Variants in KCNQ1 observed in about 807,000 individuals in gnomAD.
KCNQ1 encodes the protein potassium voltage-gated channel subfamily Q member 1.
A neutral mutation model predicts 72.4 loss-of-function variants in KCNQ1; 49 were observed. The ratio of observed to expected loss-of-function variants is 0.68; its 90% confidence interval spans 0.54 to 0.86. The LOEUF (loss-of-function observed/expected upper bound fraction) is 0.86. Ranked by LOEUF, KCNQ1 falls within the 40% of genes least tolerant of loss-of-function variation. KCNQ1 has a pLI of 0.00. For synonymous variants in KCNQ1, 450 were observed against 412.6 expected, an observed-to-expected ratio of 1.09 and a Z score of -1.10; for missense variants, 790 against 945.1, an observed-to-expected ratio of 0.84 and a Z score of 2.15.
In KCNQ1 at chr11:2,848,698, A is replaced by G. The variant is rs371578548; in HGVS notation, c.*695A>G. On this transcript the variant is annotated 3_prime_UTR_variant, in exon 16 of 16. Transcript: ENST00000155840. ...GACTGCCAGCTCTTCCTAGCTGGAG[A>G]GGAGCCCTGCCTCTCCGCCCCTGAG... 34 of 450,640 alleles carry G rather than the reference A, an allele frequency of 7.5e-5. No homozygotes were observed. The highest frequency in any genetic ancestry group is 4.0e-4 in the Admixed American group (17 of 42,478). 27.9% of individuals were successfully genotyped at this position (450,640 alleles called of 1,614,324 possible). A position where few individuals can be genotyped will look rare whatever the true frequency, so the allele number is the denominator to read the frequency against.
intron 1 of KCNQ1, among the ~76,000 whole-genome samples, chr11:2,460,645 C>T (rs943408573): frequency 6.6e-6 from 1 of 152,226 alleles, no homozygotes; most frequent in African/African-American, 2.4e-5. Flanking sequence ...TGCATGGGCC[C>T]CTTTGCCAAA....
chr11:2,656,583 T>A (rs1479166508), intron 10 of KCNQ1: 1 of 398,684 alleles, frequency 2.5e-6, no homozygotes, highest in South Asian at 1.3e-4. Context: ...ATTCCTCTTT[T>A]GTGATGTGCT....
chr11:2,824,900 A>C lies in KCNQ1; in HGVS notation c.1795-22867A>C, dbSNP rs1298043084. ...AGGGACACGAGTTCCCCTGCCGGGC[A>C]CAGAGCAGGTTCCCAGTGAGTTCTG... On this transcript the variant is annotated intron_variant, in intron 15 of 15. Transcript: ENST00000155840. The surrounding 1 kb of genome is among the most constrained non-coding windows in gnomAD (Gnocchi z 5.9). 1.3e-5 allele frequency among the ~76,000 whole-genome samples: 2 copies of C among 152,204 alleles called. No individual in the cohort carries two copies. Among genetic ancestry groups the C allele is most frequent in the Non-Finnish European group, 2.9e-5 (2 of 68,030 alleles).
At position 2,654,871 on chromosome 11, in the gene KCNQ1, T is replaced by C. The variant is rs1441971549; in HGVS notation, c.1394-7090T>C. 15 of 398,404 alleles carry C rather than the reference T, an allele frequency of 3.8e-5. No homozygotes were observed. The highest frequency in any genetic ancestry group is 1.3e-4 in the Admixed American group (3 of 22,708). The allele number at this position is 398,404 out of a possible 1,614,324, so 24.7% of individuals were successfully genotyped here. A position where few individuals can be genotyped will look rare whatever the true frequency, so the allele number is the denominator to read the frequency against. ...CAGCTCCAGGCCAGGTGGAGGGACA[T>C]ATTCTGGCAACTCTAGGATAAGATG... On this transcript the variant is annotated intron_variant, in intron 10 of 15. Transcript: ENST00000155840. This position sits in a 1 kb window ranked among gnomAD's most constrained non-coding sequence, Gnocchi z 6.4.
rs921203850 is a variant in KCNQ1, at chr11:2,479,532, A to G, written c.386+34048A>G. Among the ~76,000 whole-genome samples the G allele has an allele frequency of 5.3e-5, 8 of 152,316 alleles. No individual in the cohort carries two copies. Among genetic ancestry groups the G allele is most frequent in the Admixed American group, 3.3e-4 (5 of 15,312 alleles). ...CCCAAGCTGTACCTTGACACCTTTT[A>G]GCTATGGCTAGAGCGGCTGGGACAC... On this transcript the variant is annotated intron_variant, in intron 1 of 15. Coordinates refer to ENST00000155840, the MANE Select transcript of KCNQ1 (RefSeq NM_000218.3). This position sits in a 1 kb window ranked among gnomAD's most constrained non-coding sequence, Gnocchi z 4.6.
chr11:2,769,928 C>G lies in KCNQ1; in HGVS notation c.1590+1009C>G, dbSNP rs1319774390. ...ACCAGGACCCACAGTCGGTGGCATC[C>G]CAGCCCACCAAGACTTATCCTGGAG... is the stretch of plus-strand genomic sequence containing the variant. On this transcript the variant is annotated intron_variant, in intron 12 of 15. Coordinates refer to ENST00000155840, the MANE Select transcript of KCNQ1 (RefSeq NM_000218.3). This position sits in a 1 kb window ranked among gnomAD's most constrained non-coding sequence, Gnocchi z 4.6. Among the ~76,000 whole-genome samples, 2 of 152,064 alleles carry G rather than the reference C, an allele frequency of 1.3e-5. No homozygotes were observed. Among genetic ancestry groups the G allele is most frequent in the Non-Finnish European group, 2.9e-5 (2 of 67,988 alleles).
intron 11 of KCNQ1, chr11:2,680,252 T>G (rs1461869687): frequency 2.5e-6 from 1 of 397,036 alleles, no homozygotes; most frequent in African/African-American, 2.1e-5. Flanking sequence ...TGTATATTCA[T>G]ATCCCATTGG....
Position 2,668,252 on chromosome 11 carries a change from G to A in KCNQ1, c.1514+6171G>A. ...GGCCAGCAGGCAGTTTCTGGTGTAG[G>A]TTGCTGTTTAAGAATATTCTGTACA... On this transcript the variant is annotated intron_variant, in intron 11 of 15. Coordinates refer to ENST00000155840, the MANE Select transcript of KCNQ1 (RefSeq NM_000218.3). This position sits in a 1 kb window ranked among gnomAD's most constrained non-coding sequence, Gnocchi z 4.3. 2.5e-6 allele frequency: 1 copy of A among 398,602 alleles called. No homozygotes were observed. The highest frequency in any genetic ancestry group is 4.4e-5 in the Admixed American group (1 of 22,738). 24.7% of individuals were successfully genotyped at this position (398,602 alleles called of 1,614,324 possible).
At chr11:2,707,472 C>T (rs767605037) in intron 11 of KCNQ1, among the ~76,000 whole-genome samples, 3 of 152,136 alleles carry the variant, frequency 2.0e-5, no homozygotes, top group African/African-American at 7.2e-5. Context: ...CACCCCCAGG[C>T]AGCCCCTGCC....
intron 1 of KCNQ1, among the ~76,000 whole-genome samples, chr11:2,489,968 G>C (rs1324142629): frequency 6.6e-6 from 1 of 152,104 alleles, no homozygotes; most frequent in Non-Finnish European, 1.5e-5. Context: ...ATGGGCTCTT[G>C]GGGTCCCTGA....
intron 10 of KCNQ1, chr11:2,650,325 T>TC (rs996080655): frequency 2.0e-5 from 8 of 398,456 alleles, no homozygotes; most frequent in South Asian, 2.5e-4. Context: ...CTTGTTTTTT[T>TC]CCCCCCAAGT....
Position 2,569,120 on chromosome 11 carries a change from G to A in KCNQ1, c.478-1508G>A, listed in dbSNP as rs555148075. On this transcript the variant is annotated intron_variant, in intron 2 of 15. Transcript: ENST00000155840. ...AGGCTGGTCTTGAACTCCTGAACTC[G>A]TGATCTGCCTGCCTCGGCCTCCCAG... is the stretch of plus-strand genomic sequence containing the variant. 7.2e-5 allele frequency among the ~76,000 whole-genome samples: 11 copies of A among 152,232 alleles called. No homozygotes were observed. The South Asian group carries it at 1.0e-3, about 14-fold the overall frequency.
chr11:2,778,136 C>G, intron 15 of KCNQ1, 99 bp downstream of exon 15: 6 of 1,179,930 alleles, frequency 5.1e-6, no homozygotes, highest in Non-Finnish European at 7.4e-6. Context: ...TCCTGCAGGC[C>G]TCCCCACCTT....
rs1469994346 is a variant in KCNQ1 at position 2,508,263 on chromosome 11, G to A, written c.387-19665G>A. 1.3e-5 allele frequency among the ~76,000 whole-genome samples: 2 copies of A among 152,192 alleles called. No homozygotes were observed. Among genetic ancestry groups the A allele is most frequent in the African/African-American group, 4.8e-5 (2 of 41,456 alleles). The stretch of plus-strand genomic sequence containing the variant: ...TCACCAAGGGTCTTTGGGCTCCTGT[G>A]GGGACCATACTGGCTTGTCTGACTT... On this transcript the variant is annotated intron_variant, in intron 1 of 15. Coordinates refer to ENST00000155840, the MANE Select transcript of KCNQ1 (RefSeq NM_000218.3). The surrounding 1 kb of genome is among the most constrained non-coding windows in gnomAD (Gnocchi z 6.2).
intron 1 of KCNQ1, among the ~76,000 whole-genome samples, chr11:2,487,482 A>G (rs1846760066): frequency 6.6e-6 from 1 of 152,104 alleles, no homozygotes; most frequent in Non-Finnish European, 1.5e-5. Flanking sequence ...ATATCTCAAC[A>G]TTGTCTTCTA....
intron 10 of KCNQ1, chr11:2,648,051 CA>C (rs34011245): frequency 0.24 from 79,407 of 337,678 alleles, 823 homozygotes; most frequent in Middle Eastern, 0.29. Flanking sequence ...CCATCTCTAC[CA>C]AAAAAAAAAA....
Position 2,767,359 on chromosome 11 carries a change from TCCCC to T in KCNQ1, c.1515-1484_1515-1481del, listed in dbSNP as rs1846518192. On this transcript the variant is annotated intron_variant, in intron 11 of 15. Transcript: ENST00000155840. This position sits in a 1 kb window ranked among gnomAD's most constrained non-coding sequence, Gnocchi z 4.6. The stretch of plus-strand genomic sequence containing the variant: ...GACATGAATTATATACCGTGTACAT[TCCCC>T]AGTACTCTTTCATCAGTGAAGTCAC... Among the ~76,000 whole-genome samples the T allele has an allele frequency of 1.3e-5, 2 of 152,124 alleles. No individual in the cohort carries two copies. Among genetic ancestry groups the T allele is most frequent in the South Asian group, 4.1e-4 (2 of 4,820 alleles).
At chr11:2,837,393 C>G (rs148549742) in intron 15 of KCNQ1, among the ~76,000 whole-genome samples, 6 of 152,258 alleles carry the variant, frequency 3.9e-5, no homozygotes, top group Non-Finnish European at 8.8e-5. Context: ...GCCCGCTCCG[C>G]GCTCACAGCC....
intron 3 of KCNQ1, among the ~76,000 whole-genome samples, 165 bp downstream of exon 3, chr11:2,570,919 C>T (rs922716251): frequency 6.6e-6 from 1 of 152,204 alleles, no homozygotes; most frequent in African/African-American, 2.4e-5. Flanking sequence ...CAGCCCTCAG[C>T]AGCCTCTGCA....
Sources: gnomAD v4.1 joint callset for allele counts (sites outside exome capture counted in the v4.1 genomes callset) on GRCh38, gnomAD v4.1.1 for gene constraint, Gnocchi (gnomAD v3.1) non-coding constraint, MANE v1.5 for transcripts, NCBI Gene and HGNC (gene_info 2026-07-23, HGNC 2026-07-21) for gene names.